Variants in NLGN1 observed in about 807,000 individuals in gnomAD.
The protein encoded by NLGN1 is neuroligin 1.
Under a neutral mutation model 65.5 loss-of-function variants are expected in NLGN1, and 12 were observed. The ratio of observed to expected loss-of-function variants is 0.18; its 90% CI spans 0.12 to 0.30. NLGN1 has a LOEUF of 0.30. NLGN1 is among the 10% of genes least tolerant of loss of function. The pLI is 1.00. For missense variants in NLGN1, 750 were observed against 1,007.1 expected, an observed-to-expected ratio of 0.74 and a Z score of 3.46; for synonymous variants, 350 against 359.5, an observed-to-expected ratio of 0.97 and a Z score of 0.30.
rs527319598 is a variant in NLGN1 at position 173,747,404 on chromosome 3, A to G, written c.494-60276A>G. ...TAAAGATATATATATTTAAATATATATATAATATATTTAGTACATAAAACA... is the reference window on the plus strand; with the variant it reads ...TAAAGATATATATATTTAAATATATGTATAATATATTTAGTACATAAAACA... On this transcript the variant is annotated intron_variant, in intron 3 of 6. Transcript: ENST00000457714. Among the ~76,000 whole-genome samples the G allele has an allele frequency of 4.2e-4, 61 of 146,934 alleles. No homozygotes were observed. The East Asian group carries it at 0.012, about 28-fold the overall frequency.
intron 4 of NLGN1, among the ~76,000 whole-genome samples, chr3:174,209,107 AG>A (rs1297679657): frequency 2.6e-5 from 4 of 151,922 alleles, no homozygotes; most frequent in Non-Finnish European, 5.9e-5. Context: ...TTTTTTTAAT[AG>A]AAACAGAGTT....
intron 1 of NLGN1, among the ~76,000 whole-genome samples, chr3:173,412,389 G>A (rs902309627): frequency 6.6e-6 from 1 of 151,900 alleles, no homozygotes; most frequent in African/African-American, 2.4e-5. Context: ...TAGAGCATTA[G>A]AACCAGGATT....
chr3:174,213,654 C>T (rs1286901089), intron 4 of NLGN1, among the ~76,000 whole-genome samples: 1 of 152,054 alleles, frequency 6.6e-6, no homozygotes, highest in African/African-American at 2.4e-5. Flanking sequence ...TTTTTTAATC[C>T]ATGGAAGAAC....
intron 3 of NLGN1, among the ~76,000 whole-genome samples, chr3:173,658,347 G>A (rs1760399862): frequency 6.6e-6 from 1 of 151,862 alleles, no homozygotes; most frequent in South Asian, 2.1e-4. Flanking sequence ...TTGCTTTACA[G>A]GAGAGAGAAA....
At chr3:173,705,581 A>G (rs983431002) in intron 3 of NLGN1, among the ~76,000 whole-genome samples, 5 of 152,328 alleles carry the variant, frequency 3.3e-5, no homozygotes, top group South Asian at 2.1e-4. Context: ...TTGAAAGATT[A>G]TTTGAGGGAC....
intron 3 of NLGN1, among the ~76,000 whole-genome samples, chr3:173,716,716 A>G (rs1281565459): frequency 1.3e-5 from 2 of 152,172 alleles, no homozygotes; most frequent in Non-Finnish European, 2.9e-5. Context: ...AGCCAAATGT[A>G]TCCTTAAGTC....
intron 3 of NLGN1, among the ~76,000 whole-genome samples, chr3:173,753,968 A>ATATAATATAATATAATATAC (rs1776690953): frequency 1.9e-5 from 2 of 103,392 alleles, no homozygotes; most frequent in South Asian, 5.9e-4. Context: ...ATATAATATA[A>ATATAATATAATATAATATAC]TATAATATCT....
At chr3:173,787,853 C>G (rs1711555028) in intron 3 of NLGN1, among the ~76,000 whole-genome samples, 1 of 152,160 alleles carries the variant, frequency 6.6e-6, no homozygotes, top group Non-Finnish European at 1.5e-5. Flanking sequence ...TCAAATTATG[C>G]TCAAGCAATT....
intron 3 of NLGN1, among the ~76,000 whole-genome samples, chr3:173,767,529 A>T (rs1778949050): frequency 6.6e-6 from 1 of 152,048 alleles, no homozygotes; most frequent in Non-Finnish European, 1.5e-5. Flanking sequence ...ATACTAAATG[A>T]TCGTAATAAC....
chr3:174,219,941 TCAGA>T, intron 4 of NLGN1, among the ~76,000 whole-genome samples: 1 of 152,188 alleles, frequency 6.6e-6, no homozygotes, highest in South Asian at 2.1e-4. Flanking sequence ...CCAGCAGGTG[TCAGA>T]CAGAGAGAAG....
At chr3:174,058,133 T>G (rs1317690461) in intron 4 of NLGN1, among the ~76,000 whole-genome samples, 2 of 152,118 alleles carry the variant, frequency 1.3e-5, no homozygotes, top group Non-Finnish European at 2.9e-5. Context: ...TTTTTGTGCT[T>G]CTTTTGTCAA....
chr3:174,064,707 T>C (rs961785973), intron 4 of NLGN1, among the ~76,000 whole-genome samples: 30 of 150,860 alleles, frequency 2.0e-4, no homozygotes, highest in African/African-American at 7.0e-4. Flanking sequence ...ATTACATTAG[T>C]CTTTCAACTT....
chr3:173,657,865 G>A (rs1043220907), intron 3 of NLGN1, among the ~76,000 whole-genome samples: 3 of 151,782 alleles, frequency 2.0e-5, no homozygotes, highest in African/African-American at 7.3e-5. Flanking sequence ...ATACTTCCTA[G>A]ATTTTCTTAT....
intron 3 of NLGN1, among the ~76,000 whole-genome samples, chr3:173,642,562 T>G (rs1757584944): frequency 6.6e-6 from 1 of 152,176 alleles, no homozygotes; most frequent in Admixed American, 6.5e-5. Flanking sequence ...CCAGCTAAAC[T>G]GACAAATTAA....
rs145143316 is a variant in NLGN1 at position 173,815,111 on chromosome 3, T to A, written c.646+7279T>A. Among the ~76,000 whole-genome samples the A allele has an allele frequency of 8.2e-3, 1,243 of 150,900 alleles. 19 individuals carry two copies. The highest frequency in any genetic ancestry group is 8.8e-3 in the Non-Finnish European group (594 of 67,700). ...TTCCTTCCTTCCTTCCTGCCTTCCT[T>A]CATTCCTTCCTTTTTCTTTTTTTTT... On this transcript the variant is annotated intron_variant, in intron 4 of 6. Transcript: ENST00000457714.
intron 3 of NLGN1, among the ~76,000 whole-genome samples, chr3:173,755,169 C>T (rs1333563650): frequency 2.0e-5 from 3 of 152,018 alleles, no homozygotes; most frequent in African/African-American, 7.2e-5. Context: ...TTGCAATATA[C>T]ATATTCCATT....
intron 2 of NLGN1, chr3:173,435,193 C>T (rs992663314): frequency 4.6e-5 from 7 of 152,556 alleles, no homozygotes; most frequent in Admixed American, 4.6e-4. Context: ...ATAGTCATGA[C>T]TTACCTCTTT....
chr3:173,668,326 A>C (rs1761993479), intron 3 of NLGN1, among the ~76,000 whole-genome samples: 1 of 152,198 alleles, frequency 6.6e-6, no homozygotes. Context: ...AGTAATGAGC[A>C]GAAAAATACC....
At chr3:174,275,218 C>A in intron 4 of NLGN1, 97 bp from the exon 5 acceptor site, 1 of 862,886 alleles carries the variant, frequency 1.2e-6, no homozygotes. Flanking sequence ...TTGGACTGTC[C>A]CTACCTTGAT....
Sources: gnomAD v4.1 joint callset for allele counts (sites outside exome capture counted in the v4.1 genomes callset) on GRCh38, gnomAD v4.1.1 for gene constraint, MANE v1.5 for transcripts, NCBI Gene and HGNC (gene_info 2026-07-23, HGNC 2026-07-21) for gene names.